The following MGAT4C variants were observed in gnomAD, a reference collection of about 807,000 sequenced individuals.
The protein encoded by MGAT4C is MGAT4 family member C, also known as alpha-1,3-mannosyl-glycoprotein 4-beta-N-acetylglucosaminyltransferase C.
MGAT4C carries 19 observed loss-of-function variants against 40.1 expected under a neutral mutation model. That is an observed-to-expected ratio of 0.47 (90% CI 0.33 to 0.70). MGAT4C has a LOEUF of 0.70. Ranked by LOEUF, MGAT4C falls within the 30% of genes least tolerant of loss-of-function variation. The pLI, the probability that MGAT4C is intolerant of heterozygous loss-of-function variation, is 0.02. For synonymous variants in MGAT4C, 181 were observed against 187.1 expected (o/e 0.97, Z 0.27); for missense variants, 491 against 563.2 (o/e 0.87, Z 1.30).
At chr12:86,550,856 C>T (rs988472011) in intron 2 of MGAT4C, among the ~76,000 whole-genome samples, 19 of 152,314 alleles carry the variant, frequency 1.2e-4, no homozygotes, top group Non-Finnish European at 1.9e-4. Context: ...TACATGCCCA[C>T]GCCTGGGGCC....
chr12:86,741,743 A>G (rs1240675108), intron 1 of MGAT4C, among the ~76,000 whole-genome samples: 1 of 151,316 alleles, frequency 6.6e-6, no homozygotes, highest in African/African-American at 2.4e-5. Flanking sequence ...TCTTATTCCT[A>G]CCCAACTGCC....
intron 3 of MGAT4C, among the ~76,000 whole-genome samples, chr12:86,371,139 T>C (rs558376615): frequency 3.3e-5 from 5 of 152,136 alleles, no homozygotes; most frequent in Admixed American, 3.3e-4. Context: ...TAAAGAGGAC[T>C]AAATATTCGA....
chr12:86,682,141 G>T (rs1377109647), intron 2 of MGAT4C, among the ~76,000 whole-genome samples: 1 of 152,002 alleles, frequency 6.6e-6, no homozygotes, highest in Non-Finnish European at 1.5e-5. Context: ...TTCATATATA[G>T]TTCTAACAAT....
At chr12:86,634,567 C>A (rs1053883890) in intron 2 of MGAT4C, among the ~76,000 whole-genome samples, 1 of 152,016 alleles carries the variant, frequency 6.6e-6, no homozygotes, top group Non-Finnish European at 1.5e-5. Flanking sequence ...TTTGAAGCTC[C>A]ATGTGATGGT....
chr12:86,513,179 A>G (rs192715298), intron 2 of MGAT4C, among the ~76,000 whole-genome samples: 41 of 152,314 alleles, frequency 2.7e-4, no homozygotes, highest in Non-Finnish European at 4.3e-4. Flanking sequence ...CCAAGAAGTA[A>G]AACAGCAACT....
At position 86,202,560 on chromosome 12, in the gene MGAT4C, ACC is replaced by A. The variant is rs1311729941; in HGVS notation, c.-57+53677_-57+53678del. Among the ~76,000 whole-genome samples the A allele has an allele frequency of 1.2e-3, 183 of 152,116 alleles. 2 individuals are homozygous for A. In the East Asian group the frequency reaches 0.033, roughly 28 times the overall value. On this transcript the variant is annotated intron_variant, in intron 1 of 4. Transcript: ENST00000611864. ...CTAGATGTATAGGTTGATATTTTTC[ACC>A]AGTTTGACAAGTTTTAAGCCATTGT... is the stretch of plus-strand genomic sequence containing the variant.
intron 1 of MGAT4C, among the ~76,000 whole-genome samples, chr12:86,098,365 C>T (rs1389825547): frequency 1.3e-5 from 2 of 151,318 alleles, no homozygotes; most frequent in African/African-American, 2.4e-5. Context: ...ATGATTTGGC[C>T]ACATACTATG....
chr12:86,108,339 T>A (rs1323194368), intron 1 of MGAT4C, among the ~76,000 whole-genome samples: 1 of 152,166 alleles, frequency 6.6e-6, no homozygotes, highest in Non-Finnish European at 1.5e-5. Flanking sequence ...TGTGAGGCCA[T>A]GCCAGGCAAA....
Position 85,966,803 on chromosome 12 carries a change from A to G in MGAT4C, c.*12486T>C, listed in dbSNP as rs1883389718. On this transcript the variant is annotated 3_prime_UTR_variant, in exon 5 of 5. Coordinates refer to ENST00000611864, the MANE Select transcript of MGAT4C (RefSeq NM_001351288.2). ...TCTCAGCAAACTATTGCAACGACAA[A>G]AAAACCAAACACTGCATGTTCTCAT... 1 of 152,084 alleles carries G rather than the reference A, an allele frequency of 6.6e-6. No individual in the cohort carries two copies. Among genetic ancestry groups the G allele is most frequent in the African/African-American group, 2.4e-5 (1 of 41,390 alleles). The allele number at this position is 152,084 out of a possible 1,614,324, so 9.4% of individuals were successfully genotyped here.
At chr12:86,582,381 C>T (rs988234655) in intron 2 of MGAT4C, among the ~76,000 whole-genome samples, 12 of 151,218 alleles carry the variant, frequency 7.9e-5, no homozygotes, top group African/African-American at 2.9e-4. Flanking sequence ...TGAGAACTTA[C>T]ATGGAGTATG....
intron 2 of MGAT4C, among the ~76,000 whole-genome samples, chr12:86,470,063 A>G (rs1334865806): frequency 2.0e-5 from 3 of 152,028 alleles, no homozygotes; most frequent in African/African-American, 7.2e-5. Flanking sequence ...TTATTTATTT[A>G]TTTATCTGTT....
intron 2 of MGAT4C, among the ~76,000 whole-genome samples, chr12:86,669,518 C>T (rs1172117878): frequency 6.6e-6 from 1 of 151,550 alleles, no homozygotes; most frequent in Non-Finnish European, 1.5e-5. Context: ...TAGGCTGTCC[C>T]CCATCCCCAT....
chr12:86,485,846 C>G (rs572610660), intron 2 of MGAT4C, among the ~76,000 whole-genome samples: 26 of 152,148 alleles, frequency 1.7e-4, no homozygotes, highest in African/African-American at 6.3e-4. Flanking sequence ...GGGTTACTTA[C>G]AAAGAGAATC....
Position 85,974,359 on chromosome 12 carries a change from G to A in MGAT4C, c.*4930C>T, listed in dbSNP as rs761063497. Reference sequence around the variant, plus strand: ...ATCCAAGAATAAGTGGAGGTGTAAAGGCTAAAAAATAATGCAAATGGTGCA... The same window carrying A: ...ATCCAAGAATAAGTGGAGGTGTAAAAGCTAAAAAATAATGCAAATGGTGCA... On this transcript the variant is annotated 3_prime_UTR_variant, in exon 5 of 5. Transcript: ENST00000611864. The A allele has an allele frequency of 4.7e-5, 7 of 150,516 alleles. No homozygotes were observed. Among genetic ancestry groups the A allele is most frequent in the Non-Finnish European group, 9.0e-5 (6 of 66,946 alleles). The allele number at this position is 150,516 out of a possible 1,614,324, so 9.3% of individuals were successfully genotyped here.
intron 1 of MGAT4C, among the ~76,000 whole-genome samples, chr12:86,836,826 A>T (rs1232624165): frequency 6.6e-6 from 1 of 152,098 alleles, no homozygotes; most frequent in South Asian, 2.1e-4. Context: ...TTCATTATCC[A>T]TTGGTATCAT....
At chr12:86,772,143 G>A (rs1951650814) in intron 1 of MGAT4C, among the ~76,000 whole-genome samples, 1 of 152,150 alleles carries the variant, frequency 6.6e-6, no homozygotes, top group Admixed American at 6.6e-5. Flanking sequence ...GAGATTGTAT[G>A]TATGGCTCAT....
chr12:86,672,209 A>G (rs1249907983), intron 2 of MGAT4C, among the ~76,000 whole-genome samples: 2 of 152,114 alleles, frequency 1.3e-5, no homozygotes, highest in Admixed American at 1.3e-4. Context: ...AGGAATTAGG[A>G]AGAAAATTGA....
chr12:86,302,785 A>G (rs1340406947), intron 4 of MGAT4C, among the ~76,000 whole-genome samples: 1 of 150,446 alleles, frequency 6.6e-6, no homozygotes, highest in Non-Finnish European at 1.5e-5. Flanking sequence ...CACCCGATTC[A>G]TTTTCTACCT....
intron 4 of MGAT4C, among the ~76,000 whole-genome samples, chr12:86,331,578 A>G (rs1407538252): frequency 1.3e-5 from 2 of 152,080 alleles, no homozygotes; most frequent in East Asian, 3.9e-4. Flanking sequence ...TGGTGTTTCT[A>G]TCTATTAGGA....
Sources: allele counts gnomAD v4.1 joint callset (sites outside exome capture counted in the v4.1 genomes callset), GRCh38; gene constraint gnomAD v4.1.1; transcripts MANE v1.5; gene names NCBI Gene and HGNC (gene_info 2026-07-23, HGNC 2026-07-21).